The following PDE1C variants were observed in gnomAD, a reference collection of about 807,000 sequenced individuals.
PDE1C encodes dual specificity calcium/calmodulin-dependent 3',5'-cyclic nucleotide phosphodiesterase 1C.
In PDE1C, 62 loss-of-function variants were observed where a neutral mutation model predicts 93.1. That is an observed-to-expected ratio of 0.67 (90% CI 0.54 to 0.82). PDE1C has a LOEUF of 0.82. Ranked by LOEUF, PDE1C falls within the 40% of genes least tolerant of loss-of-function variation. PDE1C has a pLI of 0.00. For missense variants in PDE1C, 742 were observed against 884.6 expected, an observed-to-expected ratio of 0.84 and a Z score of 2.04; for synonymous variants, 325 against 310.1, an observed-to-expected ratio of 1.05 and a Z score of -0.50.
At chr7:31,839,013 T>A (rs1006519695) in intron 9 of PDE1C, among the ~76,000 whole-genome samples, 1 of 148,342 alleles carries the variant, frequency 6.7e-6, no homozygotes, top group East Asian at 1.9e-4. Flanking sequence ...ATATTATAGA[T>A]TTCAATATTT....
chr7:31,699,651 T>TA, the PDE1C span, among the ~76,000 whole-genome samples: 2 of 151,548 alleles, frequency 1.3e-5, no homozygotes, highest in Non-Finnish European at 3.0e-5. Context: ...GTTTTTTTTT[T>TA]AACCAAATTG....
chr7:31,964,414 C>G (rs993462510), intron 2 of PDE1C, among the ~76,000 whole-genome samples: 1 of 152,192 alleles, frequency 6.6e-6, no homozygotes, highest in Non-Finnish European at 1.5e-5. Context: ...GGGGGAGGGG[C>G]GCCTGCCATT....
the PDE1C span, among the ~76,000 whole-genome samples, chr7:31,617,661 A>C: frequency 1.3e-5 from 2 of 152,106 alleles, no homozygotes; most frequent in African/African-American, 2.4e-5. Flanking sequence ...AGGAAAAAAA[A>C]ACCCACGATA....
chr7:32,020,320 C>G (rs1410248154), intron 2 of PDE1C, among the ~76,000 whole-genome samples: 1 of 151,830 alleles, frequency 6.6e-6, no homozygotes, highest in Non-Finnish European at 1.5e-5. Context: ...ATCCCCTGCC[C>G]TAAAAAACTC....
chr7:32,323,608 A>G (rs533267132), intron 1 of PDE1C, among the ~76,000 whole-genome samples: 1 of 152,326 alleles, frequency 6.6e-6, no homozygotes, highest in East Asian at 1.9e-4. Context: ...ACTCTGGGCA[A>G]ATGGAGATGT....
At chr7:32,360,817 A>G (rs1203197992) in intron 1 of PDE1C, among the ~76,000 whole-genome samples, 1 of 152,164 alleles carries the variant, frequency 6.6e-6, no homozygotes, top group Non-Finnish European at 1.5e-5. Context: ...CCCTGTCTAA[A>G]CTCAAAGACT....
chr7:32,413,259 T>A (rs1785210333), intron 1 of PDE1C, among the ~76,000 whole-genome samples: 1 of 152,148 alleles, frequency 6.6e-6, no homozygotes, highest in African/African-American at 2.4e-5. Context: ...GATGGATAGA[T>A]AAATAGATAT....
chr7:31,690,196 T>A, the PDE1C span, among the ~76,000 whole-genome samples: 3 of 152,360 alleles, frequency 2.0e-5, no homozygotes, highest in East Asian at 1.9e-4. Flanking sequence ...CTTTTTAGAA[T>A]CTTTTCATTA....
At chr7:31,903,255 T>G (rs1445604635) in intron 2 of PDE1C, among the ~76,000 whole-genome samples, 1 of 151,950 alleles carries the variant, frequency 6.6e-6, no homozygotes, top group Non-Finnish European at 1.5e-5. Context: ...CTACATAATA[T>G]TGTTTTAAAA....
At chr7:31,903,600 A>G (rs1800245201) in intron 2 of PDE1C, among the ~76,000 whole-genome samples, 1 of 152,050 alleles carries the variant, frequency 6.6e-6, no homozygotes, top group African/African-American at 2.4e-5. Flanking sequence ...ACCTTCAAGT[A>G]CTATATACTC....
intron 1 of PDE1C, among the ~76,000 whole-genome samples, chr7:32,421,712 A>G (rs926806575): frequency 2.0e-5 from 3 of 152,196 alleles, no homozygotes; most frequent in African/African-American, 7.2e-5. Context: ...TAAAAAGTTG[A>G]TTTAAATTCC....
At chr7:32,006,654 T>C (rs1337328732) in intron 2 of PDE1C, among the ~76,000 whole-genome samples, 1 of 152,138 alleles carries the variant, frequency 6.6e-6, no homozygotes, top group Non-Finnish European at 1.5e-5. Flanking sequence ...CTTCTACTCA[T>C]AGGCACAGCA....
the PDE1C span, among the ~76,000 whole-genome samples, chr7:31,654,373 G>T: frequency 5.3e-5 from 8 of 152,182 alleles, no homozygotes; most frequent in Non-Finnish European, 1.0e-4. Context: ...GCTGAGAGGG[G>T]ATCGGTCAGA....
chr7:31,643,555 G>T, the PDE1C span: 4 of 1,614,016 alleles, frequency 2.5e-6, no homozygotes, highest in African/African-American at 1.3e-5. Context: ...CTTGGGGACT[G>T]GTCCCAGAGG....
the PDE1C span, among the ~76,000 whole-genome samples, chr7:31,732,821 C>CG: frequency 2.0e-5 from 3 of 152,150 alleles, no homozygotes; most frequent in East Asian, 5.8e-4. Flanking sequence ...AGGGGGACCT[C>CG]GGGGATTTCT....
At chr7:32,173,496 G>GAATCA (rs1802783088) in intron 2 of PDE1C, among the ~76,000 whole-genome samples, 1 of 150,464 alleles carries the variant, frequency 6.6e-6, no homozygotes, top group African/African-American at 2.5e-5. Flanking sequence ...AATAAAAATA[G>GAATCA]AATAAAATAA....
intron 3 of PDE1C, among the ~76,000 whole-genome samples, chr7:32,088,495 C>T (rs1474453236): frequency 6.6e-6 from 1 of 152,252 alleles, no homozygotes; most frequent in Non-Finnish European, 1.5e-5. Flanking sequence ...CTGCCTAGTC[C>T]GCCAAGGCGG....
At chr7:31,872,216 T>C (rs1168933994) in intron 6 of PDE1C, among the ~76,000 whole-genome samples, 1 of 152,084 alleles carries the variant, frequency 6.6e-6, no homozygotes, top group African/African-American at 2.4e-5. Context: ...TACTGGAGGC[T>C]GGGATGTGTG....
chr7:32,023,474 T>A (rs1419702039), intron 2 of PDE1C, among the ~76,000 whole-genome samples: 3 of 152,110 alleles, frequency 2.0e-5, no homozygotes, highest in African/African-American at 7.2e-5. Flanking sequence ...CAGGAACTTG[T>A]ACACAAATGT....
Sources: gnomAD v4.1 joint callset for allele counts (sites outside exome capture counted in the v4.1 genomes callset) on GRCh38, gnomAD v4.1.1 for gene constraint, MANE v1.5 for transcripts, NCBI Gene and HGNC (gene_info 2026-07-23, HGNC 2026-07-21) for gene names.